Variants in HMCN1 observed in about 807,000 individuals in gnomAD.
The protein encoded by HMCN1 is hemicentin 1.
HMCN1 carries 321 observed loss-of-function variants against 625.9 expected under a neutral mutation model. That is an observed-to-expected ratio of 0.51 (90% CI 0.47 to 0.56). The LOEUF (loss-of-function observed/expected upper bound fraction) is 0.56. Ranked by LOEUF, HMCN1 falls within the 20% of genes least tolerant of loss-of-function variation. The probability of loss-of-function intolerance (pLI) is 0.00; values close to 1 mark genes in which losing one functional copy is unlikely to be tolerated. For synonymous variants in HMCN1, 2,425 were observed against 2,417.6 expected, an observed-to-expected ratio of 1.00 and a Z score of -0.09; for missense variants, 6,588 against 6,887.3, an observed-to-expected ratio of 0.96 and a Z score of 1.54.
At chr1:185,784,430 G>A (rs766461487) in intron 1 of HMCN1, among the ~76,000 whole-genome samples, 7 of 152,190 alleles carry the variant, frequency 4.6e-5, no homozygotes, top group East Asian at 1.9e-4. Flanking sequence ...GAAATCACCC[G>A]TCTTCTGCGT....
chr1:185,947,500 C>T (rs1261252950), intron 11 of HMCN1, among the ~76,000 whole-genome samples: 1 of 152,210 alleles, frequency 6.6e-6, no homozygotes, highest in African/African-American at 2.4e-5. Context: ...CATTGATAAA[C>T]CATGATCATA....
chr1:186,119,832 C>G lies in HMCN1; in HGVS notation c.12044C>G (p.Pro4015Arg). 6.2e-7 allele frequency: 1 copy of G among 1,614,066 alleles called. No homozygotes were observed. Among genetic ancestry groups the G allele is most frequent in the Non-Finnish European group, 8.5e-7 (1 of 1,179,964 alleles). The change falls in exon 79 of 107, where the codon CCC becomes CGC. Residue 4015 changes from proline (P) to arginine (R), a missense_variant. Around this residue, in one of 3 missense-constraint regions of HMCN1, gnomAD observed 4,628 missense variants for 4,853.1 expected, o/e 0.95. Transcript: ENST00000271588. The stretch of plus-strand genomic sequence containing the variant: ...TTACCATGTGAAGCAACAGGGACAC[C>G]CAGTCCTTTCATTACTTGGCAAAAA... ...ILLPCEATGT[P>R]SPFITWQKEG... is the part of the protein sequence containing the mutation.
chr1:186,117,626 A>T lies in HMCN1; in HGVS notation c.11848+3A>T. 1 of 1,612,996 alleles carries T rather than the reference A, an allele frequency of 6.2e-7. No individual in the cohort carries two copies. Among genetic ancestry groups the T allele is most frequent in the African/African-American group, 1.3e-5 (1 of 75,024 alleles). ...TGGCTATAGAATTCTGTCCTCAGGT[A>T]AGACCAAGCTCAGTGATTTCACATC... On this transcript the variant is annotated splice_donor_region_variant and intron_variant, in intron 77 of 106. Transcript: ENST00000271588.
intron 11 of HMCN1, among the ~76,000 whole-genome samples, chr1:185,936,349 G>C (rs2102501334): frequency 6.6e-6 from 1 of 151,942 alleles, no homozygotes; most frequent in East Asian, 1.9e-4. Flanking sequence ...ATTAACAGCA[G>C]CAAAAATCCT....
intron 86 of HMCN1, 49 bp downstream of exon 86, chr1:186,132,458 C>T (rs931530258): frequency 7.5e-7 from 1 of 1,336,588 alleles, no homozygotes; most frequent in Admixed American, 1.9e-5. Flanking sequence ...GGAAATATTA[C>T]CTAATAAAGA....
At chr1:186,017,721 T>C (rs1393169467) in intron 33 of HMCN1, among the ~76,000 whole-genome samples, 1 of 152,044 alleles carries the variant, frequency 6.6e-6, no homozygotes, top group African/African-American at 2.4e-5. Flanking sequence ...TGGTTATTAT[T>C]TAAACATTGA....
chr1:185,838,080 C>T (rs1452695029), intron 1 of HMCN1, among the ~76,000 whole-genome samples: 1 of 152,078 alleles, frequency 6.6e-6, no homozygotes, highest in Non-Finnish European at 1.5e-5. Flanking sequence ...CAAATACAGA[C>T]CCACGTGGGC....
intron 14 of HMCN1, among the ~76,000 whole-genome samples, chr1:185,970,088 C>A (rs1401490022): frequency 1.3e-5 from 2 of 152,160 alleles, no homozygotes; most frequent in African/African-American, 4.8e-5. Context: ...CCCGGTTCCC[C>A]AAGGTATCTT....
At chr1:185,754,787 G>T (rs1341107761) in intron 1 of HMCN1, among the ~76,000 whole-genome samples, 2 of 152,090 alleles carry the variant, frequency 1.3e-5, no homozygotes, top group Admixed American at 6.5e-5. Flanking sequence ...GACAGAGGTT[G>T]CAGTGAGCCA....
chr1:185,895,706 G>C (rs1384697829), intron 4 of HMCN1, among the ~76,000 whole-genome samples: 1 of 152,144 alleles, frequency 6.6e-6, no homozygotes. Flanking sequence ...TTGTGATGTG[G>C]AAACTCAAAG....
At chr1:185,989,090 T>C (rs1033178235) in intron 20 of HMCN1, among the ~76,000 whole-genome samples, 18 of 148,572 alleles carry the variant, frequency 1.2e-4, no homozygotes, top group Admixed American at 5.4e-4. Context: ...TCACTGCAAG[T>C]TCCACCTCCC....
chr1:186,167,797 C>A (rs1558276722), intron 100 of HMCN1, among the ~76,000 whole-genome samples: 1 of 152,152 alleles, frequency 6.6e-6, no homozygotes, highest in Non-Finnish European at 1.5e-5. Flanking sequence ...TCCTCCACCC[C>A]TTTTCATGGC....
chr1:186,110,977 C>CTTTTTCTTTTTTTTTTTTTTTTTTTTTTT (rs1660848196), intron 71 of HMCN1, among the ~76,000 whole-genome samples: 1 of 61,648 alleles, frequency 1.6e-5, no homozygotes, highest in African/African-American at 9.8e-5. Context: ...AGAGAAAATT[C>CTTTTTCTTTTTTTTTTTTTTTTTTTTTTT]TTTTTTTTTT....
chr1:186,055,607 C>A lies in HMCN1; in HGVS notation c.7077C>A (p.Gly2359=). ...QLKNIHVSDT[G]RYVCVAVNVA... ...AGAACATTCATGTATCTGACACAGG[C>A]CGTTATGTGTGTGTTGCTGTGAATG... Residue 2359 remains glycine, a synonymous_variant, in exon 45 of 107, where the codon GGC becomes GGA. Transcript: ENST00000271588. The A allele has an allele frequency of 6.2e-7, 1 of 1,612,580 alleles. No homozygotes were observed. The highest frequency in any genetic ancestry group is 8.5e-7 in the Non-Finnish European group (1 of 1,179,086).
intron 58 of HMCN1, among the ~76,000 whole-genome samples, chr1:186,086,853 T>C (rs1659526375): frequency 7.1e-6 from 1 of 140,978 alleles, no homozygotes; most frequent in Admixed American, 7.2e-5. Context: ...GATAGATAGA[T>C]AGATAGATAG....
At chr1:185,893,641 G>A (rs1665291451) in intron 4 of HMCN1, among the ~76,000 whole-genome samples, 1 of 152,086 alleles carries the variant, frequency 6.6e-6, no homozygotes, top group South Asian at 2.1e-4. Flanking sequence ...ATACACTACA[G>A]CATCAGATAT....
intron 36 of HMCN1, among the ~76,000 whole-genome samples, chr1:186,028,985 GC>G (rs1655241711): frequency 6.6e-6 from 1 of 151,848 alleles, no homozygotes; most frequent in Non-Finnish European, 1.5e-5. Context: ...GTCCGCCTCA[GC>G]CTCCCAAAGT....
intron 1 of HMCN1, among the ~76,000 whole-genome samples, chr1:185,750,104 C>T (rs375138796): frequency 2.6e-5 from 4 of 152,080 alleles, no homozygotes; most frequent in Admixed American, 2.0e-4. Flanking sequence ...GATGTGAATT[C>T]GTTCATTTAA....
intron 30 of HMCN1, among the ~76,000 whole-genome samples, chr1:186,013,411 C>T (rs189536351): frequency 8.5e-5 from 13 of 152,230 alleles, no homozygotes; most frequent in Admixed American, 5.9e-4. Flanking sequence ...ATTCTATCGT[C>T]GAATTCACCT....
Sources: gnomAD v4.1 joint callset for allele counts (sites outside exome capture counted in the v4.1 genomes callset) on GRCh38, gnomAD v4.1.1 for gene constraint, gnomAD v4.1.1 regional missense constraint, MANE v1.5 for transcripts, NCBI Gene and HGNC (gene_info 2026-07-23, HGNC 2026-07-21) for gene names.